The following SLC6A15 variants were observed in gnomAD, a reference collection of about 807,000 sequenced individuals.
The protein encoded by SLC6A15 is solute carrier family 6 member 15, also known as sodium-dependent neutral amino acid transporter B(0)AT2.
Under a neutral mutation model 68.5 loss-of-function variants are expected in SLC6A15, and 33 were observed. That is an observed-to-expected ratio of 0.48 (90% CI 0.37 to 0.64). The LOEUF (loss-of-function observed/expected upper bound fraction) is 0.64. Ranked by LOEUF, SLC6A15 falls within the 30% of genes least tolerant of loss-of-function variation. SLC6A15 has a pLI of 0.00. For missense variants in SLC6A15, 747 were observed against 874.3 expected (o/e 0.85, Z 1.84); for synonymous variants, 347 against 301.0 (o/e 1.15, Z -1.58).
rs1422088648 is a variant in SLC6A15 at position 84,876,533 on chromosome 12, A to G, written c.831T>C (p.Gly277=). The change falls in exon 6 of 12, where the codon GGT becomes GGC. Residue 277 remains glycine, a synonymous_variant. Transcript: ENST00000266682. The part of the protein sequence containing the change: ...CFLIRAFLLN[G]SIDGIRHMFT... ...ACATGTGGCGAATGCCATCAATTGAACCATTTAAAAGGAATGCTCTGATGA... is the reference window on the plus strand; with the variant it reads ...ACATGTGGCGAATGCCATCAATTGAGCCATTTAAAAGGAATGCTCTGATGA... 3 of 1,601,076 alleles carry G rather than the reference A, an allele frequency of 1.9e-6. No individual in the cohort carries two copies. The highest frequency in any genetic ancestry group is 2.6e-6 in the Non-Finnish European group (3 of 1,174,076).
chr12:84,908,862 A>G (rs79927031), intron 1 of SLC6A15, among the ~76,000 whole-genome samples: 1 of 152,136 alleles, frequency 6.6e-6, no homozygotes, highest in East Asian at 1.9e-4. Context: ...TTTTCACTCT[A>G]ATAAATTCTT....
chr12:84,878,960 CA>C (rs1871690197), intron 5 of SLC6A15, among the ~76,000 whole-genome samples: 1 of 151,896 alleles, frequency 6.6e-6, no homozygotes, highest in Admixed American at 6.6e-5. Context: ...TCACAGTTGC[CA>C]GAGCGATCTT....
At chr12:84,883,068 G>A (rs1871897874) in intron 5 of SLC6A15, 6 of 984,312 alleles carry the variant, frequency 6.1e-6, no homozygotes, top group Admixed American at 6.2e-5. Context: ...ACAGTTAAAC[G>A]GCAGAGAGAA....
intron 10 of SLC6A15, among the ~76,000 whole-genome samples, chr12:84,864,464 C>T (rs1290863410): frequency 3.3e-5 from 5 of 151,602 alleles, no homozygotes; most frequent in Admixed American, 2.0e-4. Flanking sequence ...GGATTACAGG[C>T]GACCACCATC....
Position 84,892,141 on chromosome 12 carries a change from T to TAAAAAA in SLC6A15, c.-27_-22dup. ...GGCATTGGAGAGTATGCGAAGTATT[T>TAAAAAA]AAAAAAAAAAAAAAAAACTCCCTTA... On this transcript the variant is annotated 5_prime_UTR_variant, in exon 2 of 12. Coordinates refer to ENST00000266682, the MANE Select transcript of SLC6A15 (RefSeq NM_182767.6). The TAAAAAA allele has an allele frequency of 1.4e-5, 19 of 1,342,664 alleles. No individual in the cohort carries two copies. The African/African-American group carries it at 1.7e-4, about 12-fold the overall frequency. 83.2% of individuals were successfully genotyped at this position (1,342,664 alleles called of 1,614,324 possible). A position where few individuals can be genotyped will look rare whatever the true frequency, so the allele number is the denominator to read the frequency against.
At chr12:84,863,728 A>C (rs1870949583) in intron 10 of SLC6A15, 127 bp from the exon 11 acceptor site, 1 of 580,140 alleles carries the variant, frequency 1.7e-6, no homozygotes, top group Non-Finnish European at 2.6e-6. Flanking sequence ...TACTGTATCA[A>C]AGTTCCTCTT....
intron 1 of SLC6A15, among the ~76,000 whole-genome samples, chr12:84,894,564 TTAAA>T (rs750882587): frequency 6.6e-6 from 1 of 152,112 alleles, no homozygotes; most frequent in Non-Finnish European, 1.5e-5. Context: ...AAAAAAAATT[TTAAA>T]TAGTGTGAAC....
At chr12:84,898,837 C>T (rs1872735642) in intron 1 of SLC6A15, among the ~76,000 whole-genome samples, 1 of 152,196 alleles carries the variant, frequency 6.6e-6, no homozygotes, top group Admixed American at 6.5e-5. Context: ...TTGTTTGTCT[C>T]AGTTATCCAT....
intron 1 of SLC6A15, among the ~76,000 whole-genome samples, chr12:84,899,385 G>T (rs1247243152): frequency 6.6e-6 from 1 of 152,170 alleles, no homozygotes; most frequent in Admixed American, 6.5e-5. Context: ...CACCTCCCTG[G>T]AGTTTTAATC....
chr12:84,877,041 G>A (rs1045842959), intron 5 of SLC6A15, among the ~76,000 whole-genome samples: 2 of 152,096 alleles, frequency 1.3e-5, no homozygotes, highest in Admixed American at 1.3e-4. Flanking sequence ...TTTCAATGCA[G>A]TATTGTTCCT....
At chr12:84,911,062 A>G (rs934523726) in intron 1 of SLC6A15, among the ~76,000 whole-genome samples, 2 of 152,144 alleles carry the variant, frequency 1.3e-5, no homozygotes, top group African/African-American at 4.8e-5. Flanking sequence ...CTGGGCGCCT[A>G]AGACATAAAT....
rs542529824 is a variant in SLC6A15 at position 84,897,075 on chromosome 12, C to T, written c.-188-4767G>A. Among the ~76,000 whole-genome samples the T allele has an allele frequency of 1.3e-3, 197 of 152,216 alleles. 1 individual carries two copies. Among genetic ancestry groups the T allele is most frequent in the African/African-American group, 4.6e-3 (189 of 41,524 alleles). Reference sequence around the variant, plus strand: ...GGGTGTGGTGGCAGGTGCCTGTAATCCCAGATACTCAGGAGGCTGGGGCAG... The same window carrying T: ...GGGTGTGGTGGCAGGTGCCTGTAATTCCAGATACTCAGGAGGCTGGGGCAG... On this transcript the variant is annotated intron_variant, in intron 1 of 11. Coordinates refer to ENST00000266682, the MANE Select transcript of SLC6A15 (RefSeq NM_182767.6).
In SLC6A15 at chr12:84,859,947, T is replaced by C. The variant is rs779553914; in HGVS notation, c.*1685A>G. ...GGAGAATGGATGGCCAGGAGAAATG[T>C]TGGATGAGAACTTACTTCACACTGA... is the stretch of plus-strand genomic sequence containing the variant. On this transcript the variant is annotated 3_prime_UTR_variant, in exon 12 of 12. Coordinates refer to ENST00000266682, the MANE Select transcript of SLC6A15 (RefSeq NM_182767.6). The C allele has an allele frequency of 1.3e-5, 2 of 152,056 alleles. No individual in the cohort carries two copies. Among genetic ancestry groups the C allele is most frequent in the Non-Finnish European group, 2.9e-5 (2 of 67,936 alleles). 9.4% of individuals were successfully genotyped at this position (152,056 alleles called of 1,614,324 possible). A position where few individuals can be genotyped will look rare whatever the true frequency, so the allele number is the denominator to read the frequency against.
chr12:84,864,365 G>A (rs1870982075), intron 10 of SLC6A15, among the ~76,000 whole-genome samples: 1 of 148,214 alleles, frequency 6.7e-6, no homozygotes, highest in Non-Finnish European at 1.5e-5. Flanking sequence ...TGTTGCCCAG[G>A]CTGGAGTACA....
rs78380282 is a variant in SLC6A15, at chr12:84,903,619, G to C, written c.-189+8904C>G. 5.5e-4 allele frequency among the ~76,000 whole-genome samples: 84 copies of C among 152,164 alleles called. 1 individual carries two copies. The East Asian group carries it at 6.4e-3, about 12-fold the overall frequency. On this transcript the variant is annotated intron_variant, in intron 1 of 11. Coordinates refer to ENST00000266682, the MANE Select transcript of SLC6A15 (RefSeq NM_182767.6). ...TTGCCTTCTCCAGTTTCTGGTGGCT[G>C]CTGGCATTCCTCAATTTGTGGCCTC...
At chr12:84,908,601 C>CATATATATATATATATATATATATATAT (rs3084056) in intron 1 of SLC6A15, among the ~76,000 whole-genome samples, 9 of 140,496 alleles carry the variant, frequency 6.4e-5, no homozygotes, top group African/African-American at 2.3e-4. Flanking sequence ...AGTAAAGAAA[C>CATATATATATATATATATATATATATAT]ATATATATAT....
At chr12:84,892,349 GAAAAA>G (rs1361660488) in intron 1 of SLC6A15, 41 bp from the exon 2 acceptor site, 2 of 386,162 alleles carry the variant, frequency 5.2e-6, no homozygotes, top group African/African-American at 2.1e-5. Context: ...ATTTAATGAT[GAAAAA>G]ATTTAAATAC....
At chr12:84,872,943 C>G (rs1435764697) in intron 7 of SLC6A15, 144 bp downstream of exon 7, 1 of 1,230,882 alleles carries the variant, frequency 8.1e-7, no homozygotes, top group African/African-American at 1.5e-5. Context: ...TCCCATTTAC[C>G]CAGATTTGAC....
At chr12:84,867,241 G>C in intron 9 of SLC6A15, 48 bp from the exon 10 acceptor site, 1 of 1,455,064 alleles carries the variant, frequency 6.9e-7, no homozygotes, top group Non-Finnish European at 9.2e-7. Flanking sequence ...TCAGAGACAA[G>C]GCCTTTAAAC....
Sources: allele counts gnomAD v4.1 joint callset (sites outside exome capture counted in the v4.1 genomes callset), GRCh38; gene constraint gnomAD v4.1.1; transcripts MANE v1.5; gene names NCBI Gene and HGNC (gene_info 2026-07-23, HGNC 2026-07-21).